The following IL1RAPL1 variants were observed in gnomAD, a reference collection of about 807,000 sequenced individuals.
The protein encoded by IL1RAPL1 is interleukin-1 receptor accessory protein-like 1.
In IL1RAPL1, 3 loss-of-function variants were observed where a neutral mutation model predicts 48.4. That is an observed-to-expected ratio of 0.06 (90% CI 0.03 to 0.16). The LOEUF (loss-of-function observed/expected upper bound fraction) is 0.16. IL1RAPL1 is among the 10% of genes least tolerant of loss of function. The pLI is 1.00. For missense variants in IL1RAPL1, 349 were observed against 530.6 expected, an observed-to-expected ratio of 0.66 and a Z score of 3.36; for synonymous variants, 185 against 187.7, an observed-to-expected ratio of 0.99 and a Z score of 0.12.
intron 2 of IL1RAPL1, among the ~76,000 whole-genome samples, chrX:29,140,801 C>T (rs1929227883): frequency 9.0e-6 from 1 of 110,943 alleles, no homozygotes; most frequent in African/African-American, 3.3e-5. Flanking sequence ...GGTGGAAGGG[C>T]TTCATCAGCC....
At chrX:29,859,358 G>A (rs17338092) in intron 6 of IL1RAPL1, among the ~76,000 whole-genome samples, 3,631 of 111,484 alleles carry the variant, frequency 0.033, 218 homozygotes, top group East Asian at 0.28. Context: ...GCTCTCCATA[G>A]CCAATCTACC....
chrX:29,017,415 C>T (rs1172797585), intron 2 of IL1RAPL1, among the ~76,000 whole-genome samples: 2 of 111,909 alleles, frequency 1.8e-5, no homozygotes, highest in African/African-American at 3.2e-5. Flanking sequence ...CCAGGTAAAT[C>T]GGAGAAAATA....
chrX:29,174,217 C>A (rs1345249420), intron 2 of IL1RAPL1, among the ~76,000 whole-genome samples: 3 of 111,358 alleles, frequency 2.7e-5, no homozygotes, highest in East Asian at 2.8e-4. Flanking sequence ...AGCCACCACG[C>A]CCGCCACAGT....
At chrX:28,752,258 G>A (rs892736309) in intron 1 of IL1RAPL1, among the ~76,000 whole-genome samples, 2 of 111,394 alleles carry the variant, frequency 1.8e-5, no homozygotes. Context: ...TGAAGCATAA[G>A]CAAAGATTCT....
At chrX:29,749,808 C>G (rs1928417806) in intron 6 of IL1RAPL1, among the ~76,000 whole-genome samples, 1 of 112,155 alleles carries the variant, frequency 8.9e-6, no homozygotes, top group Non-Finnish European at 1.9e-5. Context: ...CTACAGTGTT[C>G]CAGTCTCTTG....
chrX:29,929,876 C>G (rs1002280718), intron 8 of IL1RAPL1, among the ~76,000 whole-genome samples: 1 of 111,418 alleles, frequency 9.0e-6, no homozygotes, highest in Admixed American at 9.6e-5. Context: ...ATTTCTAATT[C>G]TCCCCAAACA....
At chrX:29,226,511 C>A (rs1210264660) in intron 2 of IL1RAPL1, among the ~76,000 whole-genome samples, 2 of 101,727 alleles carry the variant, frequency 2.0e-5, no homozygotes, top group African/African-American at 7.3e-5. Context: ...CGGCTCACTG[C>A]AACCTCCGCC....
intron 1 of IL1RAPL1, among the ~76,000 whole-genome samples, chrX:28,639,871 A>G (rs1366646790): frequency 8.9e-6 from 1 of 111,979 alleles, no homozygotes; most frequent in Non-Finnish European, 1.9e-5. Flanking sequence ...ATAAACTCTC[A>G]GGAACTTCTG....
chrX:29,180,784 A>T (rs1465899717), intron 2 of IL1RAPL1, among the ~76,000 whole-genome samples: 1 of 111,857 alleles, frequency 8.9e-6, no homozygotes, highest in Non-Finnish European at 1.9e-5. Context: ...GACCTAATCC[A>T]AACATAATTC....
intron 1 of IL1RAPL1, among the ~76,000 whole-genome samples, chrX:28,658,312 G>A (rs974996467): frequency 8.9e-6 from 1 of 111,945 alleles, no homozygotes; most frequent in Non-Finnish European, 1.9e-5. Flanking sequence ...TCGCCTCCTG[G>A]GTTCAAGTGA....
intron 2 of IL1RAPL1, among the ~76,000 whole-genome samples, chrX:29,242,709 TA>T (rs1931443791): frequency 8.9e-6 from 1 of 111,980 alleles, no homozygotes; most frequent in Non-Finnish European, 1.9e-5. Context: ...TCTTAGATAG[TA>T]CGTATTTAAT....
chrX:29,192,768 G>A (rs1418710418), intron 2 of IL1RAPL1, among the ~76,000 whole-genome samples: 1 of 111,027 alleles, frequency 9.0e-6, no homozygotes, highest in Non-Finnish European at 1.9e-5. Flanking sequence ...TATTTTCTTT[G>A]ACTGTTGTCA....
At chrX:29,387,565 G>C (rs1208390610) in intron 3 of IL1RAPL1, among the ~76,000 whole-genome samples, 1 of 112,367 alleles carries the variant, frequency 8.9e-6, no homozygotes, top group Non-Finnish European at 1.9e-5. Flanking sequence ...GGCCTGTTGT[G>C]TGTAGGATGA....
At chrX:29,901,089 A>T (rs2147226444) in intron 6 of IL1RAPL1, among the ~76,000 whole-genome samples, 1 of 111,536 alleles carries the variant, frequency 9.0e-6, no homozygotes, top group South Asian at 3.8e-4. Flanking sequence ...TCACTGATAC[A>T]TCTGCTTTCC....
At chrX:29,229,107 A>G (rs183244637) in intron 2 of IL1RAPL1, among the ~76,000 whole-genome samples, 1 of 112,062 alleles carries the variant, frequency 8.9e-6, no homozygotes, top group Admixed American at 9.6e-5. Context: ...TAAGCAACAT[A>G]CAATACATTT....
intron 3 of IL1RAPL1, among the ~76,000 whole-genome samples, chrX:29,314,975 T>C (rs753479259): frequency 2.1e-4 from 23 of 111,685 alleles, no homozygotes; most frequent in Non-Finnish European, 4.0e-4. Flanking sequence ...TTGGTAAAAA[T>C]AGGAATAACA....
At chrX:29,582,096 C>T (rs1922981489) in intron 5 of IL1RAPL1, among the ~76,000 whole-genome samples, 2 of 111,114 alleles carry the variant, frequency 1.8e-5, no homozygotes, top group Non-Finnish European at 3.8e-5. Flanking sequence ...ATTTTTAGTG[C>T]AAGACGAGGA....
intron 6 of IL1RAPL1, among the ~76,000 whole-genome samples, chrX:29,774,169 GAATGGTTTAGTCAGGTAAATAACTAAA>G (rs1929136311): frequency 9.4e-6 from 1 of 106,141 alleles, no homozygotes; most frequent in Non-Finnish European, 1.9e-5. Flanking sequence ...CATAAAAAGG[GAATGGTTTAGTCAGGTAAATAACTAAA>G]AATTGTTATT....
rs145310907 is a variant in IL1RAPL1 at position 29,005,354 on chromosome X, G to A, written c.82+215929G>A. Among the ~76,000 whole-genome samples, 507 of 112,035 alleles carry A rather than the reference G, an allele frequency of 4.5e-3. 3 individuals carry two copies. The highest frequency in any genetic ancestry group is 0.016 in the African/African-American group (483 of 30,880). ...TACAATGGGTCATTTTATATATACAGCATTCCGTTAAGTGAAGTTGAATGC... is the reference window on the plus strand; with the variant it reads ...TACAATGGGTCATTTTATATATACAACATTCCGTTAAGTGAAGTTGAATGC... On this transcript the variant is annotated intron_variant, in intron 2 of 10. Coordinates refer to ENST00000378993, the MANE Select transcript of IL1RAPL1 (RefSeq NM_014271.4).
Sources: allele counts gnomAD v4.1 joint callset (sites outside exome capture counted in the v4.1 genomes callset), GRCh38; gene constraint gnomAD v4.1.1; transcripts MANE v1.5; gene names NCBI Gene and HGNC (gene_info 2026-07-23, HGNC 2026-07-21).